FILIP1: variants seen among roughly 807,000 people sequenced by gnomAD.
FILIP1 encodes filamin A interacting protein 1.
FILIP1 carries 61 observed loss-of-function variants against 102.1 expected under a neutral mutation model. The ratio of observed to expected loss-of-function variants is 0.60; its 90% CI spans 0.49 to 0.74. FILIP1 has a LOEUF of 0.74. FILIP1 is among the 30% of genes least tolerant of loss of function. The pLI, the probability that FILIP1 is intolerant of heterozygous loss-of-function variation, is 0.00. For missense variants in FILIP1, 1,314 were observed against 1,441.2 expected (o/e 0.91, Z 1.43); for synonymous variants, 491 against 526.9 (o/e 0.93, Z 0.93).
rs747181992 is a variant in FILIP1 at position 75,414,815 on chromosome 6, C to T, written c.158G>A (p.Gly53Glu). ...TGTTTTTAGGTGTCGTTTGACAGTTCCTGAGGCCATGACATCATCCTCCTT... is the reference window on the plus strand; with the variant it reads ...TGTTTTTAGGTGTCGTTTGACAGTTTCTGAGGCCATGACATCATCCTCCTT... ...NRKEDDVMAS[G>E]TVKRHLKTSG... Residue 53 changes from glycine to glutamate, a missense_variant, in exon 2 of 6, where the codon GGA (glycine) becomes GAA (glutamate). Gly to Glu is a moderately conservative substitution (Grantham distance 98). Transcript: ENST00000237172. 1 of 1,613,890 alleles carries T rather than the reference C, an allele frequency of 6.2e-7. No homozygotes were observed. Among genetic ancestry groups the T allele is most frequent in the South Asian group, 1.1e-5 (1 of 91,066 alleles).
At chr6:75,478,641 A>G (rs1779557150) in intron 1 of FILIP1, among the ~76,000 whole-genome samples, 1 of 152,142 alleles carries the variant, frequency 6.6e-6, no homozygotes, top group Non-Finnish European at 1.5e-5. Context: ...TCTGGATTCT[A>G]GGAAGATATG....
intron 1 of FILIP1, among the ~76,000 whole-genome samples, chr6:75,431,553 A>G (rs1303009108): frequency 6.6e-6 from 1 of 152,188 alleles, no homozygotes; most frequent in East Asian, 1.9e-4. Context: ...TTCTAGGAGT[A>G]CTGGTGTGTT....
intron 2 of FILIP1, among the ~76,000 whole-genome samples, chr6:75,392,844 T>C (rs1207994859): frequency 6.6e-6 from 1 of 152,206 alleles, no homozygotes; most frequent in Non-Finnish European, 1.5e-5. Flanking sequence ...CGAGATTCTC[T>C]GCACAAGCTC....
chr6:75,372,155 A>T (rs541375676), intron 2 of FILIP1, among the ~76,000 whole-genome samples: 7 of 152,180 alleles, frequency 4.6e-5, no homozygotes, highest in Admixed American at 3.9e-4. Flanking sequence ...CTGAGGTGAG[A>T]TCGGGAGTTT....
intron 2 of FILIP1, chr6:75,399,429 A>T (rs1175960606): frequency 6.6e-6 from 1 of 152,214 alleles, no homozygotes; most frequent in Non-Finnish European, 1.5e-5. Context: ...CTGCTAAGAC[A>T]ATAGCAGCAC....
At chr6:75,365,953 T>G (rs1562506523) in intron 2 of FILIP1, 1 of 152,200 alleles carries the variant, frequency 6.6e-6, no homozygotes, top group Non-Finnish European at 1.5e-5. Flanking sequence ...ATCTGTAAGA[T>G]TTAACACAAA....
chr6:75,490,167 T>C (rs1254514790), intron 1 of FILIP1, among the ~76,000 whole-genome samples: 1 of 152,128 alleles, frequency 6.6e-6, no homozygotes, highest in Non-Finnish European at 1.5e-5. Flanking sequence ...GTAAAAATTA[T>C]AACCACAAGG....
At chr6:75,441,979 C>T (rs1357700033) in intron 1 of FILIP1, among the ~76,000 whole-genome samples, 1 of 151,044 alleles carries the variant, frequency 6.6e-6, no homozygotes, top group Non-Finnish European at 1.5e-5. Flanking sequence ...GGGGCGGAGA[C>T]GCTCCTCACT....
At chr6:75,370,434 G>A (rs926456270) in intron 2 of FILIP1, among the ~76,000 whole-genome samples, 2 of 152,136 alleles carry the variant, frequency 1.3e-5, no homozygotes, top group Non-Finnish European at 2.9e-5. Flanking sequence ...GAAAGTCAGA[G>A]AGGCATAAAC....
Position 75,315,206 on chromosome 6 carries a change from G to C in FILIP1, c.630-4C>G. The C allele has an allele frequency of 6.6e-7, 1 of 1,515,060 alleles. No individual in the cohort carries two copies. The allele number at this position is 1,515,060 out of a possible 1,614,324, so 93.9% of individuals were successfully genotyped here. On this transcript the variant is annotated splice_polypyrimidine_tract_variant and splice_region_variant and intron_variant, in intron 4 of 5. Transcript: ENST00000237172. ...TTGTTCAAGGAGCTTTTTTAACCTA[G>C]AAAATAAAATATACCTATATGTTAA...
At chr6:75,397,507 GA>G (rs1019559271) in intron 2 of FILIP1, among the ~76,000 whole-genome samples, 87 of 135,802 alleles carry the variant, frequency 6.4e-4, no homozygotes, top group African/African-American at 2.3e-3. Flanking sequence ...TATATATACA[GA>G]TTTTTTTACA....
intron 3 of FILIP1, among the ~76,000 whole-genome samples, chr6:75,358,064 C>A (rs1198234022): frequency 6.6e-6 from 1 of 152,182 alleles, no homozygotes. Flanking sequence ...ATGAGATAAT[C>A]ATAACACCAA....
chr6:75,358,547 C>T (rs913070652), intron 3 of FILIP1: 1 of 152,018 alleles, frequency 6.6e-6, no homozygotes, highest in South Asian at 2.1e-4. Context: ...GGGGGCCCTT[C>T]CCGTGAAGAC....
intron 4 of FILIP1, among the ~76,000 whole-genome samples, chr6:75,344,814 A>G (rs1178146523): frequency 6.6e-6 from 1 of 152,246 alleles, no homozygotes; most frequent in African/African-American, 2.4e-5. Flanking sequence ...ACTATCTGGT[A>G]ATATCCTGAA....
At chr6:75,385,794 G>A (rs896930574) in intron 2 of FILIP1, 3 of 151,228 alleles carry the variant, frequency 2.0e-5, no homozygotes, top group African/African-American at 7.3e-5. Context: ...GAGCACTCTG[G>A]TTAAGCATGT....
At chr6:75,391,827 T>C (rs570186254) in intron 2 of FILIP1, among the ~76,000 whole-genome samples, 1 of 152,300 alleles carries the variant, frequency 6.6e-6, no homozygotes, top group African/African-American at 2.4e-5. Flanking sequence ...ACAACACAAC[T>C]CATTTAAAGA....
chr6:75,376,033 G>C (rs899476896), intron 2 of FILIP1, among the ~76,000 whole-genome samples: 5 of 152,092 alleles, frequency 3.3e-5, no homozygotes, highest in African/African-American at 4.8e-5. Flanking sequence ...GTATTATAAA[G>C]TCCCCCTCCA....
intron 1 of FILIP1, among the ~76,000 whole-genome samples, chr6:75,475,014 GC>G (rs1406922344): frequency 6.6e-5 from 10 of 151,968 alleles, no homozygotes; most frequent in Non-Finnish European, 1.3e-4. Context: ...CTCCCCAAGA[GC>G]CAAGCATATG....
In FILIP1 at chr6:75,344,682, G is replaced by T. The variant is rs533288819; in HGVS notation, c.629+8857C>A. On this transcript the variant is annotated intron_variant, in intron 4 of 5. Coordinates refer to ENST00000237172, the MANE Select transcript of FILIP1 (RefSeq NM_015687.5). ...AGGACAGTTGTCAACTTCTCTAACT[G>T]GTTGTGACCAGCATTTACAGGGCCA... is the stretch of plus-strand genomic sequence containing the variant. 5.9e-5 allele frequency among the ~76,000 whole-genome samples: 9 copies of T among 152,208 alleles called. No homozygotes were observed. The South Asian group carries it at 1.9e-3, about 32-fold the overall frequency.
Sources: allele counts gnomAD v4.1 joint callset (sites outside exome capture counted in the v4.1 genomes callset), GRCh38; gene constraint gnomAD v4.1.1; transcripts MANE v1.5; gene names NCBI Gene and HGNC (gene_info 2026-07-23, HGNC 2026-07-21).